The following ZMYND8 variants were observed in gnomAD, a reference collection of about 807,000 sequenced individuals.
The protein encoded by ZMYND8 is zinc finger MYND-type containing 8, also known as MYND-type zinc finger-containing chromatin reader ZMYND8.
In ZMYND8, 37 loss-of-function variants were observed where a neutral mutation model predicts 140.8. The observed-to-expected ratio is 0.26, with a 90% confidence interval of 0.20 to 0.35. ZMYND8 has a LOEUF of 0.35. Among genes scored for constraint, ZMYND8 ranks in the 10% least tolerant of loss-of-function variants. The probability of loss-of-function intolerance (pLI) is 1.00; values close to 1 mark genes in which losing one functional copy is unlikely to be tolerated. For synonymous variants in ZMYND8, 592 were observed against 597.1 expected, an observed-to-expected ratio of 0.99 and a Z score of 0.12; for missense variants, 1,068 against 1,570.0, an observed-to-expected ratio of 0.68 and a Z score of 5.40.
At position 47,209,265 on chromosome 20, in the gene ZMYND8, CTG is replaced by C. The variant is rs1491282756; in HGVS notation, c.*1494_*1495del. 6.6e-6 allele frequency: 1 copy of C among 151,174 alleles called. No homozygotes were observed. Among genetic ancestry groups the C allele is most frequent in the East Asian group, 1.9e-4 (1 of 5,182 alleles). The allele number at this position is 151,174 out of a possible 1,614,324, so 9.4% of individuals were successfully genotyped here. A position where few individuals can be genotyped will look rare whatever the true frequency, so the allele number is the denominator to read the frequency against. On this transcript the variant is annotated 3_prime_UTR_variant, in exon 23 of 23. Transcript: ENST00000471951. ...AAAAAGGTAAAGAAATCTGAAAAAA[CTG>C]GGGGGGTGGGGGAAGGAACGGGCAA...
intron 2 of ZMYND8, among the ~76,000 whole-genome samples, chr20:47,312,997 C>T (rs1457259725): frequency 6.6e-6 from 1 of 152,108 alleles, no homozygotes; most frequent in Admixed American, 6.6e-5. Flanking sequence ...AAGATGACTG[C>T]ACTGCAGCAC....
chr20:47,338,936 G>C lies in ZMYND8; in HGVS notation c.85+8920C>G, dbSNP rs534782232. ...GAGAAGCAAATTCCTATCTGGTCCCGAGCCTGCCTGCTGGGCAACCCTACA... is the reference window on the plus strand; with the variant it reads ...GAGAAGCAAATTCCTATCTGGTCCCCAGCCTGCCTGCTGGGCAACCCTACA... On this transcript the variant is annotated intron_variant, in intron 2 of 22. Coordinates refer to ENST00000471951, the MANE Select transcript of ZMYND8 (RefSeq NM_001281775.3). Among the ~76,000 whole-genome samples the C allele has an allele frequency of 1.1e-4, 17 of 151,914 alleles. No homozygotes were observed. In the South Asian group the frequency reaches 3.3e-3, roughly 30 times the overall value.
At chr20:47,276,154 G>C (rs1181969589) in intron 11 of ZMYND8, among the ~76,000 whole-genome samples, 160 bp downstream of exon 11, 2 of 152,176 alleles carry the variant, frequency 1.3e-5, no homozygotes, top group African/African-American at 4.8e-5. Context: ...GTTACTAGCA[G>C]CAAGAACTCC....
chr20:47,312,099 T>C (rs1340658594), intron 2 of ZMYND8, among the ~76,000 whole-genome samples: 2 of 152,132 alleles, frequency 1.3e-5, no homozygotes, highest in African/African-American at 2.4e-5. Flanking sequence ...TGGGATGGGA[T>C]GTGAAATCTG....
At chr20:47,288,419 G>A (rs1381902395) in intron 7 of ZMYND8, among the ~76,000 whole-genome samples, 1 of 139,680 alleles carries the variant, frequency 7.2e-6, no homozygotes, top group Non-Finnish European at 1.5e-5. Flanking sequence ...TTGAGATGGA[G>A]TCTCGTTCTG....
chr20:47,219,532 A>C (rs112710391), intron 21 of ZMYND8, among the ~76,000 whole-genome samples: 2,443 of 151,670 alleles, frequency 0.016, 68 homozygotes, highest in African/African-American at 0.056. Flanking sequence ...TCAAAAAAAA[A>C]AAAAAATCAT....
At chr20:47,318,011 A>T (rs1033068461) in intron 2 of ZMYND8, among the ~76,000 whole-genome samples, 1 of 152,106 alleles carries the variant, frequency 6.6e-6, no homozygotes, top group African/African-American at 2.4e-5. Context: ...ATTTTTTTTA[A>T]CCAATCACTC....
intron 1 of ZMYND8, chr20:47,356,336 AAAAAAAAAAAGAAGG>A: frequency 2.1e-6 from 3 of 1,416,014 alleles, no homozygotes; most frequent in Non-Finnish European, 2.8e-6. Flanking sequence ...AGGGAAAGAA[AAAAAAAAAAAGAAGG>A]AAAAAAAAAA....
intron 8 of ZMYND8, among the ~76,000 whole-genome samples, chr20:47,286,480 G>A (rs189380639): frequency 4.0e-5 from 6 of 151,874 alleles, no homozygotes; most frequent in Admixed American, 3.3e-4. Context: ...CACCTGGCCA[G>A]GTATCTATCT....
chr20:47,246,727 G>T (rs1017273740), intron 13 of ZMYND8, among the ~76,000 whole-genome samples: 1 of 152,190 alleles, frequency 6.6e-6, no homozygotes, highest in Non-Finnish European at 1.5e-5. Flanking sequence ...GGTTTTGGTT[G>T]TTAGGAGACA....
At position 47,238,929 on chromosome 20, in the gene ZMYND8, G is replaced by T. The variant is rs771024245; in HGVS notation, c.2494C>A (p.Pro832Thr). The part of the protein sequence containing the change: ...QRPLLPKETA[P>T]AVQRVVWNSS... ...TTCCACACGACCCGCTGCACGGCCG[G>T]GGCAGTCTCCTTCGGTAAAAGCGGC... The change falls in exon 15 of 23, where the codon CCG becomes ACG. Residue 832 changes from proline to threonine, a missense_variant. Physicochemically the swap from Pro to Thr is conservative, Grantham distance 38. Around this residue, in one of 10 missense-constraint regions of ZMYND8, gnomAD observed 383 missense variants for 431.2 expected, o/e 0.89. Transcript: ENST00000471951. 1 of 1,614,006 alleles carries T rather than the reference G, an allele frequency of 6.2e-7. No homozygotes were observed. Among genetic ancestry groups the T allele is most frequent in the Non-Finnish European group, 8.5e-7 (1 of 1,179,996 alleles).
At chr20:47,245,775 A>G (rs1249723642) in intron 14 of ZMYND8, among the ~76,000 whole-genome samples, 1 of 152,184 alleles carries the variant, frequency 6.6e-6, no homozygotes, top group Non-Finnish European at 1.5e-5. Context: ...ATCATACTGG[A>G]TACCGAGCAG....
At chr20:47,333,587 G>A (rs555554474) in intron 2 of ZMYND8, among the ~76,000 whole-genome samples, 3 of 152,094 alleles carry the variant, frequency 2.0e-5, no homozygotes, top group South Asian at 4.1e-4. Context: ...TTAGCTGGGC[G>A]TGGTGGCACA....
At chr20:47,294,621 C>A (rs759734039) in intron 5 of ZMYND8, 45 bp downstream of exon 5, 1 of 1,561,984 alleles carries the variant, frequency 6.4e-7, no homozygotes, top group Non-Finnish European at 8.8e-7. Context: ...AAACATATGT[C>A]ATTACGTTCA....
chr20:47,286,891 C>CAATATT (rs2076958175), intron 8 of ZMYND8, among the ~76,000 whole-genome samples: 1 of 152,156 alleles, frequency 6.6e-6, no homozygotes, highest in Non-Finnish European at 1.5e-5. Context: ...CCAAAAGGGA[C>CAATATT]CTGAAACAAT....
intron 14 of ZMYND8, among the ~76,000 whole-genome samples, chr20:47,240,403 A>G (rs2039811360): frequency 6.6e-6 from 1 of 150,526 alleles, no homozygotes; most frequent in African/African-American, 2.4e-5. Flanking sequence ...AGTCCCAGCT[A>G]CTCAAGAGGC....
intron 17 of ZMYND8, among the ~76,000 whole-genome samples, chr20:47,229,313 C>G (rs1268273124): frequency 2.0e-5 from 3 of 152,008 alleles, no homozygotes; most frequent in Non-Finnish European, 4.4e-5. Flanking sequence ...AATGTCTTAA[C>G]CACTTTCTTG....
chr20:47,248,069 C>T (rs2040775057), intron 13 of ZMYND8, among the ~76,000 whole-genome samples: 1 of 152,202 alleles, frequency 6.6e-6, no homozygotes, highest in Admixed American at 6.5e-5. Context: ...TTGGGTACTG[C>T]AGTCCAAAGG....
In ZMYND8 at chr20:47,249,284, T is replaced by C; in HGVS notation, c.1774+3A>G. On this transcript the variant is annotated splice_donor_region_variant and intron_variant, in intron 13 of 22. Coordinates refer to ENST00000471951, the MANE Select transcript of ZMYND8 (RefSeq NM_001281775.3). ...GAAAAAAAAAACAAAACCAAAGGTA[T>C]ACCTAATTGTGCTTTGCAACTCTCT... 1 of 1,609,910 alleles carries C rather than the reference T, an allele frequency of 6.2e-7. No homozygotes were observed. Among genetic ancestry groups the C allele is most frequent in the Non-Finnish European group, 8.5e-7 (1 of 1,178,802 alleles).
Sources: gnomAD v4.1 joint callset for allele counts (sites outside exome capture counted in the v4.1 genomes callset) on GRCh38, gnomAD v4.1.1 for gene constraint, gnomAD v4.1.1 regional missense constraint, MANE v1.5 for transcripts, NCBI Gene and HGNC (gene_info 2026-07-23, HGNC 2026-07-21) for gene names.